Variants in B3GALT1 observed in about 807,000 individuals in gnomAD.
B3GALT1 encodes the protein UDP-Gal:betaGlcNAc beta 1,3-galactosyltransferase, polypeptide 1.
Under a neutral mutation model 23.2 loss-of-function variants are expected in B3GALT1, and 10 were observed. That is an observed-to-expected ratio of 0.43 (90% confidence interval 0.27 to 0.73). The LOEUF is 0.73. Among genes scored for constraint, B3GALT1 ranks in the 30% least tolerant of loss-of-function variants. The probability of loss-of-function intolerance (pLI) is 0.21; values close to 1 mark genes in which losing one functional copy is unlikely to be tolerated. For synonymous variants in B3GALT1, 156 were observed against 141.5 expected (o/e 1.10, Z -0.73); for missense variants, 299 against 405.4 (o/e 0.74, Z 2.25).
chr2:167,297,545 A>G (rs1043768721), intron 1 of B3GALT1, among the ~76,000 whole-genome samples: 23 of 152,154 alleles, frequency 1.5e-4, no homozygotes, highest in African/African-American at 5.1e-4. Context: ...AGATTTGCGT[A>G]TGCAGTCAGT....
chr2:167,755,017 T>A (rs1347386402), intron 3 of B3GALT1, among the ~76,000 whole-genome samples: 1 of 151,956 alleles, frequency 6.6e-6, no homozygotes, highest in African/African-American at 2.4e-5. Flanking sequence ...CAGTGTCTAA[T>A]GAGTATGTTG....
intron 2 of B3GALT1, among the ~76,000 whole-genome samples, chr2:167,629,157 G>A (rs1318813394): frequency 6.6e-6 from 1 of 151,552 alleles, no homozygotes; most frequent in Non-Finnish European, 1.5e-5. Flanking sequence ...TTGTTTTCCA[G>A]TAACAATATT....
chr2:167,449,083 AT>A (rs1177323193), intron 1 of B3GALT1, among the ~76,000 whole-genome samples: 1 of 151,816 alleles, frequency 6.6e-6, no homozygotes, highest in African/African-American at 2.4e-5. Flanking sequence ...TCTGAGGGCT[AT>A]TTTTTTGTTC....
In B3GALT1 at chr2:167,692,435, A is replaced by T. The variant is rs4270318; in HGVS notation, c.-352+45469A>T. 3.1e-4 allele frequency among the ~76,000 whole-genome samples: 47 copies of T among 152,174 alleles called. No homozygotes were observed. In the South Asian group the frequency reaches 9.7e-3, roughly 32 times the overall value. ...GAGTCTACCTTGCATCATATCCCAT[A>T]TGGCATAATTTCCATGATATTAGTA... On this transcript the variant is annotated intron_variant, in intron 3 of 4. Transcript: ENST00000392690.
chr2:167,804,856 T>TG (rs1393896095), intron 3 of B3GALT1, among the ~76,000 whole-genome samples: 1 of 152,232 alleles, frequency 6.6e-6, no homozygotes, highest in African/African-American at 2.4e-5. Context: ...ATGGGATTGC[T>TG]GGGTCAAACG....
chr2:167,736,946 A>G (rs1297418107), intron 3 of B3GALT1, among the ~76,000 whole-genome samples: 1 of 129,018 alleles, frequency 7.8e-6, no homozygotes, highest in Non-Finnish European at 1.6e-5. Flanking sequence ...TTCCCCCCCA[A>G]AAAAAGAATT....
intron 2 of B3GALT1, among the ~76,000 whole-genome samples, chr2:167,508,135 A>T (rs1223048012): frequency 3.9e-5 from 6 of 152,172 alleles, no homozygotes; most frequent in African/African-American, 9.7e-5. Flanking sequence ...ACAACCTAAT[A>T]CCATCACATT....
intron 1 of B3GALT1, among the ~76,000 whole-genome samples, chr2:167,423,881 A>G (rs1440066962): frequency 2.0e-5 from 3 of 152,194 alleles, no homozygotes; most frequent in Non-Finnish European, 4.4e-5. Flanking sequence ...CCTAGTGCCA[A>G]GAACAGTGCC....
intron 1 of B3GALT1, among the ~76,000 whole-genome samples, chr2:167,323,377 G>A (rs2105494437): frequency 6.6e-6 from 1 of 151,922 alleles, no homozygotes; most frequent in East Asian, 1.9e-4. Context: ...TCTACATATA[G>A]GACTATATTT....
At chr2:167,510,790 T>G (rs1278102281) in intron 2 of B3GALT1, among the ~76,000 whole-genome samples, 3 of 152,116 alleles carry the variant, frequency 2.0e-5, no homozygotes, top group African/African-American at 7.2e-5. Flanking sequence ...AGATGCAAAT[T>G]AAAGCATTCA....
At chr2:167,337,619 G>A (rs932401504) in intron 1 of B3GALT1, among the ~76,000 whole-genome samples, 10 of 151,764 alleles carry the variant, frequency 6.6e-5, no homozygotes, top group Non-Finnish European at 1.2e-4. Context: ...TGCACCTTTA[G>A]TTTCAAGTGT....
chr2:167,758,443 G>A (rs1558970035), intron 3 of B3GALT1, among the ~76,000 whole-genome samples: 1 of 152,160 alleles, frequency 6.6e-6, no homozygotes, highest in East Asian at 1.9e-4. Flanking sequence ...TACAAAGAAA[G>A]GAAGGAAGCC....
chr2:167,762,570 G>A (rs1399058686), intron 3 of B3GALT1, among the ~76,000 whole-genome samples: 12 of 145,140 alleles, frequency 8.3e-5, no homozygotes, highest in African/African-American at 7.5e-5. Context: ...AAGGAAGTCT[G>A]GACCAAAAAT....
At chr2:167,385,986 C>G (rs1207749511) in intron 1 of B3GALT1, among the ~76,000 whole-genome samples, 3 of 152,184 alleles carry the variant, frequency 2.0e-5, no homozygotes, top group African/African-American at 7.2e-5. Flanking sequence ...ACAAATACTA[C>G]CCAGTTTCTT....
At chr2:167,636,013 A>C (rs1258194838) in intron 2 of B3GALT1, among the ~76,000 whole-genome samples, 1 of 152,120 alleles carries the variant, frequency 6.6e-6, no homozygotes, top group Non-Finnish European at 1.5e-5. Context: ...ATGGAACAGA[A>C]CAGAGGCTTC....
intron 2 of B3GALT1, among the ~76,000 whole-genome samples, chr2:167,494,088 A>G (rs1168137640): frequency 5.9e-5 from 9 of 152,176 alleles, no homozygotes; most frequent in East Asian, 1.9e-4. Context: ...TTTATGGCCC[A>G]TTATAGTTGT....
chr2:167,840,860 G>A (rs1464852989), intron 4 of B3GALT1, among the ~76,000 whole-genome samples: 4 of 146,852 alleles, frequency 2.7e-5, no homozygotes, highest in African/African-American at 7.8e-5. Flanking sequence ...AAAATGATGA[G>A]TTCATGTCCT....
chr2:167,844,981 T>TTC (rs1689725705), intron 4 of B3GALT1, among the ~76,000 whole-genome samples: 1 of 152,064 alleles, frequency 6.6e-6, no homozygotes, highest in Admixed American at 6.5e-5. Context: ...TTTGCCCCAC[T>TTC]TCCCTGACAA....
intron 4 of B3GALT1, among the ~76,000 whole-genome samples, chr2:167,844,637 C>G (rs1010205415): frequency 2.0e-5 from 3 of 152,202 alleles, no homozygotes; most frequent in African/African-American, 7.2e-5. Flanking sequence ...CTGGGCACCA[C>G]AAGGATCCGT....
Sources: gnomAD v4.1 joint callset for allele counts (sites outside exome capture counted in the v4.1 genomes callset) on GRCh38, gnomAD v4.1.1 for gene constraint, MANE v1.5 for transcripts, NCBI Gene and HGNC (gene_info 2026-07-23, HGNC 2026-07-21) for gene names.